Variants in CHRM3 observed in about 807,000 individuals in gnomAD.
The protein encoded by CHRM3 is muscarinic acetylcholine receptor M3.
In CHRM3, 11 loss-of-function variants were observed where a neutral mutation model predicts 41.8. That is an observed-to-expected ratio of 0.26 (90% confidence interval 0.17 to 0.44). The LOEUF (loss-of-function observed/expected upper bound fraction) is 0.44. CHRM3 is among the 20% of genes least tolerant of loss of function. The pLI is 1.00. For missense variants in CHRM3, 571 were observed against 745.4 expected (o/e 0.77, Z 2.72); for synonymous variants, 297 against 301.4 (o/e 0.99, Z 0.15).
intron 5 of CHRM3, among the ~76,000 whole-genome samples, chr1:239,822,850 C>G (rs1672161847): frequency 6.6e-6 from 1 of 152,092 alleles, no homozygotes; most frequent in African/African-American, 2.4e-5. Flanking sequence ...GCATCATTAC[C>G]CAAGTAATAT....
rs375190629 is a variant in CHRM3 at position 239,861,881 on chromosome 1, G to T, written c.-20+34503G>T. 3.9e-5 allele frequency among the ~76,000 whole-genome samples: 6 copies of T among 152,222 alleles called. No homozygotes were observed. The East Asian group carries it at 5.8e-4, about 15-fold the overall frequency. Reference sequence around the variant, plus strand: ...CTGACTAAATACCATTTAATAGAAAGAAAACAATGGTTTTTGAAGAGATAA... The same window carrying T: ...CTGACTAAATACCATTTAATAGAAATAAAACAATGGTTTTTGAAGAGATAA... On this transcript the variant is annotated intron_variant, in intron 6 of 6. Coordinates refer to ENST00000676153, the MANE Select transcript of CHRM3 (RefSeq NM_001375978.1).
intron 2 of CHRM3, among the ~76,000 whole-genome samples, chr1:239,510,684 G>C (rs1327850237): frequency 6.6e-6 from 1 of 151,698 alleles, no homozygotes; most frequent in Non-Finnish European, 1.5e-5. Flanking sequence ...TTACAGATGT[G>C]AGCCACCATG....
intron 5 of CHRM3, among the ~76,000 whole-genome samples, chr1:239,721,071 T>G (rs1408404964): frequency 1.3e-5 from 2 of 151,842 alleles, no homozygotes; most frequent in African/African-American, 4.8e-5. Flanking sequence ...AGTGATCCAA[T>G]AAAAGGAGTG....
chr1:239,804,531 C>T (rs944459781), intron 5 of CHRM3, among the ~76,000 whole-genome samples: 3 of 152,102 alleles, frequency 2.0e-5, no homozygotes, highest in Non-Finnish European at 2.9e-5. Context: ...TTGCCAGTGA[C>T]GTCTTCACTT....
At chr1:239,861,018 AC>A (rs1675594026) in intron 6 of CHRM3, among the ~76,000 whole-genome samples, 1 of 152,198 alleles carries the variant, frequency 6.6e-6, no homozygotes, top group Non-Finnish European at 1.5e-5. Context: ...CCAATACCTT[AC>A]AAGTCACTTA....
chr1:239,853,030 T>C (rs556261903), intron 6 of CHRM3, among the ~76,000 whole-genome samples: 88 of 152,154 alleles, frequency 5.8e-4, no homozygotes, highest in African/African-American at 2.0e-3. Flanking sequence ...TTTACCCTTA[T>C]GGGTTTTTTC....
At chr1:239,759,169 G>GTTTTTTTTTTTTTTTTTTTTTTTT (rs568446013) in intron 5 of CHRM3, among the ~76,000 whole-genome samples, 1 of 102,080 alleles carries the variant, frequency 9.8e-6, no homozygotes, top group Non-Finnish European at 2.0e-5. Flanking sequence ...TTTTTTTTTT[G>GTTTTTTTTTTTTTTTTTTTTTTTT]TTTTTTTTTT....
At position 239,724,890 on chromosome 1, in the gene CHRM3, G is replaced by A. The variant is rs900845610; in HGVS notation, c.-147+46602G>A. ...TGGTCTTGAACTTCCCAGTTCAAGCGGTCCTCCTGCCTCAGCCTCACAAGG... is the reference window on the plus strand; with the variant it reads ...TGGTCTTGAACTTCCCAGTTCAAGCAGTCCTCCTGCCTCAGCCTCACAAGG... On this transcript the variant is annotated intron_variant, in intron 5 of 6. Transcript: ENST00000676153. Among the ~76,000 whole-genome samples, 7 of 151,760 alleles carry A rather than the reference G, an allele frequency of 4.6e-5. No individual in the cohort carries two copies. The East Asian group carries it at 1.4e-3, about 30-fold the overall frequency.
In CHRM3 at chr1:239,458,888, C is replaced by A. The variant is rs77814597; in HGVS notation, c.-520-33821C>A. Among the ~76,000 whole-genome samples the A allele has an allele frequency of 1.0e-4, 3 of 29,446 alleles. No individual in the cohort carries two copies. In the East Asian group the frequency reaches 1.7e-3, roughly 16 times the overall value. The allele number at this position is 29,446 out of a possible 152,430, so 19.3% of individuals were successfully genotyped here. Reference sequence around the variant, plus strand: ...GAATGCAGAAAGAAGAAATGGGAGACCCCCCCCCATCAGGGTGGAACTCTT... The same window carrying A: ...GAATGCAGAAAGAAGAAATGGGAGAACCCCCCCCATCAGGGTGGAACTCTT... On this transcript the variant is annotated intron_variant, in intron 1 of 6. Coordinates refer to ENST00000676153, the MANE Select transcript of CHRM3 (RefSeq NM_001375978.1).
At position 239,684,770 on chromosome 1, in the gene CHRM3, G is replaced by GAAAGAAAGAAAGAAAGAA. The variant is rs142339442; in HGVS notation, c.-147+6483_-147+6484insAAGAAAGAAAGAAAGAAA. Among the ~76,000 whole-genome samples, 584 of 129,128 alleles carry GAAAGAAAGAAAGAAAGAA rather than the reference G, an allele frequency of 4.5e-3. 29 individuals carry two copies. The highest frequency in any genetic ancestry group is 0.027 in the Admixed American group (326 of 12,180). The allele number at this position is 129,128 out of a possible 152,430, so 84.7% of individuals were successfully genotyped here. ...AAAGAGAAAGAAAGAAAGAAAGAAA[G>GAAAGAAAGAAAGAAAGAA]AGAAAGAGAAAGAAAAGAGAAGAGA... On this transcript the variant is annotated intron_variant, in intron 5 of 6. Transcript: ENST00000676153.
At position 239,845,651 on chromosome 1, in the gene CHRM3, A is replaced by C. The variant is rs1284347319; in HGVS notation, c.-20+18273A>C. Among the ~76,000 whole-genome samples the C allele has an allele frequency of 3.3e-5, 5 of 152,360 alleles. No individual in the cohort carries two copies. The East Asian group carries it at 9.6e-4, about 29-fold the overall frequency. On this transcript the variant is annotated intron_variant, in intron 6 of 6. Transcript: ENST00000676153. The stretch of plus-strand genomic sequence containing the variant: ...CTTACTTGAGTTCCTGAAATGAAAA[A>C]GTCATAATTTTATTTCTGAAAACAT...
At chr1:239,638,573 G>C (rs1670744813) in intron 4 of CHRM3, among the ~76,000 whole-genome samples, 1 of 152,126 alleles carries the variant, frequency 6.6e-6, no homozygotes, top group Admixed American at 6.6e-5. Context: ...TTTGAGAAGT[G>C]TCTGTTCATG....
chr1:239,759,111 TG>T (rs1169381713), intron 5 of CHRM3, among the ~76,000 whole-genome samples: 33 of 151,276 alleles, frequency 2.2e-4, no homozygotes, highest in African/African-American at 7.8e-4. Context: ...AAAGCAGGCA[TG>T]AAAACCAATC....
At chr1:239,742,762 C>G (rs949811922) in intron 5 of CHRM3, among the ~76,000 whole-genome samples, 2 of 152,148 alleles carry the variant, frequency 1.3e-5, no homozygotes, top group Non-Finnish European at 2.9e-5. Context: ...ATAACAATTG[C>G]ATGTTGCAAG....
intron 1 of CHRM3, among the ~76,000 whole-genome samples, chr1:239,444,808 G>A (rs1304252614): frequency 6.6e-6 from 1 of 152,158 alleles, no homozygotes; most frequent in East Asian, 1.9e-4. Context: ...TGGCCCAGAA[G>A]AATGGGATGA....
intron 3 of CHRM3, among the ~76,000 whole-genome samples, chr1:239,612,230 G>C (rs1207087499): frequency 1.3e-5 from 2 of 152,098 alleles, no homozygotes; most frequent in Non-Finnish European, 2.9e-5. Context: ...CATGACATGT[G>C]CCATACTTTT....
intron 3 of CHRM3, among the ~76,000 whole-genome samples, chr1:239,618,843 G>GAAA (rs1174760989): frequency 3.9e-5 from 3 of 76,782 alleles, no homozygotes; most frequent in Non-Finnish European, 7.5e-5. Context: ...GACTCTGTCA[G>GAAA]AAAAAAAAAA....
intron 1 of CHRM3, among the ~76,000 whole-genome samples, chr1:239,454,636 G>C (rs966237137): frequency 2.0e-5 from 3 of 152,050 alleles, no homozygotes; most frequent in African/African-American, 7.2e-5. Flanking sequence ...TGGCAACAAG[G>C]CCAGTGCTAA....
intron 5 of CHRM3, among the ~76,000 whole-genome samples, chr1:239,678,994 T>C (rs953225197): frequency 1.3e-5 from 2 of 151,198 alleles, no homozygotes; most frequent in Non-Finnish European, 2.9e-5. Flanking sequence ...TGAGCACTGT[T>C]TGTGAGTATG....
Sources: gnomAD v4.1 joint callset for allele counts (sites outside exome capture counted in the v4.1 genomes callset) on GRCh38, gnomAD v4.1.1 for gene constraint, MANE v1.5 for transcripts, NCBI Gene and HGNC (gene_info 2026-07-23, HGNC 2026-07-21) for gene names.